Variants in ABRA observed in about 807,000 individuals in gnomAD.
The protein encoded by ABRA is actin-binding Rho-activating protein.
In ABRA, 25 loss-of-function variants were observed where a neutral mutation model predicts 33.4. The observed-to-expected ratio is 0.75, with a 90% CI of 0.55 to 1.04. The LOEUF (loss-of-function observed/expected upper bound fraction) is 1.04. Ranked by LOEUF, ABRA falls within the 50% of genes least tolerant of loss-of-function variation. ABRA has a pLI of 0.00. For missense variants in ABRA, 501 were observed against 491.7 expected (o/e 1.02, Z -0.18); for synonymous variants, 193 against 176.8 (o/e 1.09, Z -0.73).
chr8:106,766,485 A>G (rs1836223308), intron 1 of ABRA, among the ~76,000 whole-genome samples: 1 of 152,170 alleles, frequency 6.6e-6, no homozygotes. Context: ...TTGGCTTAGT[A>G]ATGCTGCTTT....
At position 106,761,524 on chromosome 8, in the gene ABRA, A is replaced by G; in HGVS notation, c.669-10T>C. The G allele has an allele frequency of 1.2e-6, 2 of 1,600,040 alleles. No homozygotes were observed. Among genetic ancestry groups the G allele is most frequent in the East Asian group, 4.5e-5 (2 of 44,712 alleles). ...TGTAAATCTGTTTACCCTAAAGTAG[A>G]GAGAGGGTGAACAATCAAGATTCAG... On this transcript the variant is annotated splice_polypyrimidine_tract_variant and intron_variant, in intron 1 of 1. Coordinates refer to ENST00000311955, the MANE Select transcript of ABRA (RefSeq NM_139166.5).
chr8:106,767,323 C>T (rs1372532205), intron 1 of ABRA, among the ~76,000 whole-genome samples: 1 of 152,132 alleles, frequency 6.6e-6, no homozygotes, highest in East Asian at 1.9e-4. Flanking sequence ...TGTCATTGTG[C>T]CCCCTCAGTC....
At position 106,759,834 on chromosome 8, in the gene ABRA, C is replaced by G. The variant is rs917537053; in HGVS notation, c.*1203G>C. 9 of 152,200 alleles carry G rather than the reference C, an allele frequency of 5.9e-5. No individual in the cohort carries two copies. Among genetic ancestry groups the G allele is most frequent in the African/African-American group, 2.2e-4 (9 of 41,456 alleles). The allele number at this position is 152,200 out of a possible 1,614,324, so 9.4% of individuals were successfully genotyped here. On this transcript the variant is annotated 3_prime_UTR_variant, in exon 2 of 2. Transcript: ENST00000311955. ...GAATCCAGTAAGAATTGCAATCTCACATTCCATTCCATTTGTTTTTAAGAT... is the reference window on the plus strand; with the variant it reads ...GAATCCAGTAAGAATTGCAATCTCAGATTCCATTCCATTTGTTTTTAAGAT...
intron 1 of ABRA, among the ~76,000 whole-genome samples, chr8:106,765,312 A>G (rs1487465119): frequency 6.6e-6 from 1 of 152,088 alleles, no homozygotes. Flanking sequence ...GTTGCCCTTC[A>G]CTTGAATCAC....
rs1342829273 is a variant in ABRA at position 106,770,213 on chromosome 8, C to T, written c.-23G>A. On this transcript the variant is annotated 5_prime_UTR_variant, in exon 1 of 2. Coordinates refer to ENST00000311955, the MANE Select transcript of ABRA (RefSeq NM_139166.5). ...CATGCTGCCCACCTGTCTTTCTCTG[C>T]TGATAGCCTGGACACTGGCTAAAAT... 23 of 1,584,444 alleles carry T rather than the reference C, an allele frequency of 1.5e-5. No homozygotes were observed. Among genetic ancestry groups the T allele is most frequent in the Non-Finnish European group, 1.9e-5 (22 of 1,171,204 alleles).
chr8:106,768,109 A>G (rs1810533439), intron 1 of ABRA, among the ~76,000 whole-genome samples: 1 of 151,334 alleles, frequency 6.6e-6, no homozygotes, highest in Non-Finnish European at 1.5e-5. Flanking sequence ...AAAAAAAAAA[A>G]GGAACAGCTT....
At chr8:106,765,513 T>G (rs1471509066) in intron 1 of ABRA, among the ~76,000 whole-genome samples, 1 of 152,216 alleles carries the variant, frequency 6.6e-6, no homozygotes, top group African/African-American at 2.4e-5. Flanking sequence ...TTCCAACTTC[T>G]AGGAGAAATG....
Position 106,760,948 on chromosome 8 carries a change from T to G in ABRA, c.*89A>C, listed in dbSNP as rs1017133349. The stretch of plus-strand genomic sequence containing the variant: ...AAATTGTTTAATATTTACTAACTTA[T>G]TACAGAGAGTTTGCATTTTCATTTT... On this transcript the variant is annotated 3_prime_UTR_variant, in exon 2 of 2. Coordinates refer to ENST00000311955, the MANE Select transcript of ABRA (RefSeq NM_139166.5). 2 of 1,154,820 alleles carry G rather than the reference T, an allele frequency of 1.7e-6. No homozygotes were observed. Among genetic ancestry groups the G allele is most frequent in the East Asian group, 4.7e-5 (2 of 42,294 alleles). 71.5% of individuals were successfully genotyped at this position (1,154,820 alleles called of 1,614,324 possible). A position where few individuals can be genotyped will look rare whatever the true frequency, so the allele number is the denominator to read the frequency against.
In ABRA at chr8:106,759,980, A is replaced by G. The variant is rs1232650314; in HGVS notation, c.*1057T>C. 6.6e-6 allele frequency: 1 copy of G among 152,224 alleles called. No homozygotes were observed. The highest frequency in any genetic ancestry group is 1.5e-5 in the Non-Finnish European group (1 of 68,038). 9.4% of individuals were successfully genotyped at this position (152,224 alleles called of 1,614,324 possible). A position where few individuals can be genotyped will look rare whatever the true frequency, so the allele number is the denominator to read the frequency against. ...AACATTTCATAAAGTTTTCTTTGTT[A>G]CAGTATGAGGAACATTAAACTGTCT... On this transcript the variant is annotated 3_prime_UTR_variant, in exon 2 of 2. Coordinates refer to ENST00000311955, the MANE Select transcript of ABRA (RefSeq NM_139166.5).
chr8:106,761,885 A>G (rs1477109930), intron 1 of ABRA, among the ~76,000 whole-genome samples: 1 of 152,196 alleles, frequency 6.6e-6, no homozygotes, highest in Non-Finnish European at 1.5e-5. Context: ...TCAGGAATCT[A>G]GTTCTTAGAG....
At position 106,770,165 on chromosome 8, in the gene ABRA, C is replaced by T; in HGVS notation, c.26G>A (p.Gly9Glu). 1.2e-6 allele frequency: 2 copies of T among 1,611,260 alleles called. No homozygotes were observed. The highest frequency in any genetic ancestry group is 1.7e-6 in the Non-Finnish European group (2 of 1,179,558). ...GAGGGCGCTCTTGGCTGGGCCCTCC[C>T]CGCTTTCCTTTTCGCCCGGAGCCAT... MAPGEKES[G>E]EGPAKSALRK... The change falls in exon 1 of 2, where the codon GGG becomes GAG. Residue 9 changes from glycine (G) to glutamate (E), a missense_variant. Physicochemically the swap from Gly to Glu is moderately conservative, Grantham distance 98. Coordinates refer to ENST00000311955, the MANE Select transcript of ABRA (RefSeq NM_139166.5).
At position 106,770,195 on chromosome 8, in the gene ABRA, C is replaced by T; in HGVS notation, c.-5G>A. ...TTCCTTTTCGCCCGGAGCCATGCTG[C>T]CCACCTGTCTTTCTCTGCTGATAGC... On this transcript the variant is annotated 5_prime_UTR_variant, in exon 1 of 2. Coordinates refer to ENST00000311955, the MANE Select transcript of ABRA (RefSeq NM_139166.5). The T allele has an allele frequency of 6.3e-7, 1 of 1,597,896 alleles. No individual in the cohort carries two copies. The highest frequency in any genetic ancestry group is 2.2e-5 in the East Asian group (1 of 44,864).
In ABRA at chr8:106,760,856, C is replaced by A; in HGVS notation, c.*181G>T. ...TATGTGCTTTCTGAAATGCTTTGTG[C>A]CTTCTCAAAATCTCCAAAATTCCTC... On this transcript the variant is annotated 3_prime_UTR_variant, in exon 2 of 2. Transcript: ENST00000311955. 1 of 623,584 alleles carries A rather than the reference C, an allele frequency of 1.6e-6. No individual in the cohort carries two copies. The highest frequency in any genetic ancestry group is 2.8e-6 in the Non-Finnish European group (1 of 353,202). 38.6% of individuals were successfully genotyped at this position (623,584 alleles called of 1,614,324 possible).
chr8:106,765,764 A>C (rs925592088), intron 1 of ABRA, among the ~76,000 whole-genome samples: 5 of 152,074 alleles, frequency 3.3e-5, no homozygotes, highest in African/African-American at 1.2e-4. Context: ...GCGGCCCTAG[A>C]ATTGGGCACA....
At chr8:106,761,646 A>G (rs891379065) in intron 1 of ABRA, 132 bp from the exon 2 acceptor site, 9 of 749,482 alleles carry the variant, frequency 1.2e-5, no homozygotes, top group East Asian at 5.5e-5. Flanking sequence ...TAAACACAAT[A>G]TAAAAAATTA....
chr8:106,763,458 GA>G (rs1411296532), intron 1 of ABRA, among the ~76,000 whole-genome samples: 1 of 152,154 alleles, frequency 6.6e-6, no homozygotes, highest in Admixed American at 6.5e-5. Flanking sequence ...ATATATGTGT[GA>G]AAAAGTGCTA....
At chr8:106,764,389 C>G (rs773017761) in intron 1 of ABRA, among the ~76,000 whole-genome samples, 1 of 152,178 alleles carries the variant, frequency 6.6e-6, no homozygotes, top group Non-Finnish European at 1.5e-5. Context: ...CACAGTGGCT[C>G]ACGCCTGTAA....
At chr8:106,767,326 CCT>C (rs1410948775) in intron 1 of ABRA, among the ~76,000 whole-genome samples, 13 of 152,124 alleles carry the variant, frequency 8.5e-5, no homozygotes, top group Admixed American at 7.9e-4. Flanking sequence ...CATTGTGCCC[CCT>C]CAGTCTTTAT....
intron 1 of ABRA, among the ~76,000 whole-genome samples, chr8:106,767,131 A>G (rs1836234473): frequency 1.3e-5 from 2 of 152,184 alleles, no homozygotes; most frequent in African/African-American, 4.8e-5. Flanking sequence ...TTCTCCATCT[A>G]TCAAAGAGGG....
Sources: gnomAD v4.1 joint callset for allele counts (sites outside exome capture counted in the v4.1 genomes callset) on GRCh38, gnomAD v4.1.1 for gene constraint, MANE v1.5 for transcripts, NCBI Gene and HGNC (gene_info 2026-07-23, HGNC 2026-07-21) for gene names.